INPP4B: variants seen among roughly 807,000 people sequenced by gnomAD.
The protein encoded by INPP4B is inositol polyphosphate-4-phosphatase type II B, also known as inositol polyphosphate 4-phosphatase type II.
Under a neutral mutation model 122.5 loss-of-function variants are expected in INPP4B, and 55 were observed. The ratio of observed to expected loss-of-function variants is 0.45; its 90% CI spans 0.36 to 0.56. The LOEUF is 0.56. Among genes scored for constraint, INPP4B ranks in the 20% least tolerant of loss-of-function variants. INPP4B has a pLI of 0.00. For missense variants in INPP4B, 1,000 were observed against 1,097.7 expected (o/e 0.91, Z 1.26); for synonymous variants, 403 against 388.7 (o/e 1.04, Z -0.43).
intron 2 of INPP4B, among the ~76,000 whole-genome samples, chr4:142,480,146 G>A (rs149202031): frequency 6.6e-6 from 1 of 152,066 alleles, no homozygotes; most frequent in Non-Finnish European, 1.5e-5. Flanking sequence ...ATAAATGACT[G>A]CAAAACCTAT....
intron 7 of INPP4B, among the ~76,000 whole-genome samples, chr4:142,396,654 A>C (rs963128109): frequency 6.6e-6 from 1 of 152,168 alleles, no homozygotes; most frequent in African/African-American, 2.4e-5. Flanking sequence ...ATTTGTCAAC[A>C]TATGTTCATA....
At chr4:142,112,458 A>G in intron 22 of INPP4B, 84 bp downstream of exon 22, 1 of 1,293,846 alleles carries the variant, frequency 7.7e-7, no homozygotes, top group Non-Finnish European at 1.1e-6. Flanking sequence ...TGTTAGTTCT[A>G]CATGCAGATA....
chr4:142,165,822 A>G (rs1255305516), intron 16 of INPP4B, among the ~76,000 whole-genome samples: 6 of 151,750 alleles, frequency 4.0e-5, no homozygotes, highest in Admixed American at 1.3e-4. Context: ...AAGTGTGCAA[A>G]TAATTGTGTA....
intron 1 of INPP4B, among the ~76,000 whole-genome samples, chr4:142,831,412 C>T (rs982386995): frequency 4.6e-5 from 7 of 152,172 alleles, no homozygotes; most frequent in Non-Finnish European, 1.0e-4. Flanking sequence ...TAAAACTGTG[C>T]AGCTCAGAGT....
chr4:142,362,344 G>T (rs1195985114), intron 7 of INPP4B, among the ~76,000 whole-genome samples: 5 of 151,956 alleles, frequency 3.3e-5, no homozygotes, highest in African/African-American at 1.2e-4. Flanking sequence ...TGGAATAAAG[G>T]TAAGTGTGCT....
intron 9 of INPP4B, among the ~76,000 whole-genome samples, chr4:142,297,813 A>G (rs13146882): frequency 0.22 from 33,128 of 152,084 alleles, 4,846 homozygotes; most frequent in African/African-American, 0.42. Flanking sequence ...TTAAGCAAGC[A>G]AACCAAGCCA....
chr4:142,724,568 T>C (rs1765101878), intron 2 of INPP4B, among the ~76,000 whole-genome samples: 1 of 152,158 alleles, frequency 6.6e-6, no homozygotes, highest in Non-Finnish European at 1.5e-5. Context: ...TCAAAGCTAA[T>C]AGTTCTATGT....
rs2149811759 is a variant in INPP4B, at chr4:142,498,799, A to G, written c.-190-36073T>C. ...CGGAGATCCTGTCTCAAAAGAAAAT[A>G]AATAATAAAATGTGTCTTATACTGG... On this transcript the variant is annotated intron_variant, in intron 2 of 25. Coordinates refer to ENST00000262992, the MANE Select transcript of INPP4B (RefSeq NM_001101669.3). Among the ~76,000 whole-genome samples the G allele has an allele frequency of 2.6e-5, 4 of 152,324 alleles. No homozygotes were observed. In the South Asian group the frequency reaches 8.3e-4, roughly 32 times the overall value.
intron 16 of INPP4B, among the ~76,000 whole-genome samples, chr4:142,161,237 T>TG (rs1819937697): frequency 6.6e-6 from 1 of 152,044 alleles, no homozygotes; most frequent in Admixed American, 6.6e-5. Context: ...TTTTACAAGC[T>TG]GGTGGCAAAT....
intron 1 of INPP4B, among the ~76,000 whole-genome samples, chr4:142,768,953 A>C (rs536136339): frequency 6.6e-6 from 1 of 152,322 alleles, no homozygotes; most frequent in African/African-American, 2.4e-5. Flanking sequence ...AGAAAACTAT[A>C]CTGGATACAG....
intron 12 of INPP4B, among the ~76,000 whole-genome samples, chr4:142,224,964 A>G (rs939872201): frequency 6.6e-6 from 1 of 152,178 alleles, no homozygotes; most frequent in Non-Finnish European, 1.5e-5. Flanking sequence ...GACGGTTAAC[A>G]TTAAGTGTCA....
intron 7 of INPP4B, among the ~76,000 whole-genome samples, chr4:142,341,066 A>G (rs1778548061): frequency 6.6e-6 from 1 of 152,222 alleles, no homozygotes; most frequent in Non-Finnish European, 1.5e-5. Context: ...TTTTAACAGA[A>G]GAACACAACA....
chr4:142,682,640 C>T (rs1758800245), intron 2 of INPP4B, among the ~76,000 whole-genome samples: 1 of 151,854 alleles, frequency 6.6e-6, no homozygotes, highest in Non-Finnish European at 1.5e-5. Flanking sequence ...AAGGTTTTCT[C>T]TATTGCATGA....
intron 1 of INPP4B, among the ~76,000 whole-genome samples, chr4:142,787,472 G>C (rs965545488): frequency 6.6e-6 from 1 of 152,000 alleles, no homozygotes; most frequent in Admixed American, 6.6e-5. Flanking sequence ...CCAGCCTCTA[G>C]AACTATGAAA....
chr4:142,803,649 T>TAAAA lies in INPP4B; in HGVS notation c.-254+42556_-254+42559dup, dbSNP rs34262906. Among the ~76,000 whole-genome samples, 5 of 138,986 alleles carry TAAAA rather than the reference T, an allele frequency of 3.6e-5. 1 individual carries two copies. The South Asian group carries it at 6.9e-4, about 19-fold the overall frequency. The allele number at this position is 138,986 out of a possible 152,430, so 91.2% of individuals were successfully genotyped here. On this transcript the variant is annotated intron_variant, in intron 1 of 25. Coordinates refer to ENST00000262992, the MANE Select transcript of INPP4B (RefSeq NM_001101669.3). ...CTTCCCAGGGGAATTCAATAAAACT[T>TAAAA]AAAAAAAAAAAACAAAAACAAAGAA...
At chr4:142,200,242 G>A (rs1176779408) in intron 14 of INPP4B, among the ~76,000 whole-genome samples, 1 of 151,742 alleles carries the variant, frequency 6.6e-6, no homozygotes, top group Non-Finnish European at 1.5e-5. Context: ...GTTGGCTGTT[G>A]TGCCCTTTAT....
At position 142,024,298 on chromosome 4, in the gene INPP4B, T is replaced by A. The variant is rs336361; in HGVS notation, c.*4484A>T. Reference sequence around the variant, plus strand: ...ATAAGCTAAGAAACATAAATACAGGTGGGAAAAAGCATAGCTTATGTAGAT... The same window carrying A: ...ATAAGCTAAGAAACATAAATACAGGAGGGAAAAAGCATAGCTTATGTAGAT... On this transcript the variant is annotated 3_prime_UTR_variant, in exon 26 of 26. Transcript: ENST00000262992. 6.6e-6 allele frequency: 1 copy of A among 152,080 alleles called. No individual in the cohort carries two copies. Among genetic ancestry groups the A allele is most frequent in the Non-Finnish European group, 1.5e-5 (1 of 68,008 alleles). 9.4% of individuals were successfully genotyped at this position (152,080 alleles called of 1,614,324 possible). A position where few individuals can be genotyped will look rare whatever the true frequency, so the allele number is the denominator to read the frequency against.
intron 2 of INPP4B, among the ~76,000 whole-genome samples, chr4:142,716,514 C>A (rs937927427): frequency 6.6e-6 from 1 of 152,110 alleles, no homozygotes; most frequent in Non-Finnish European, 1.5e-5. Flanking sequence ...TACTGGCTGC[C>A]ATAAGTCAAC....
intron 7 of INPP4B, among the ~76,000 whole-genome samples, chr4:142,364,684 C>A (rs1670113571): frequency 6.6e-6 from 1 of 152,026 alleles, no homozygotes; most frequent in African/African-American, 2.4e-5. Context: ...GGACTACTCA[C>A]CAGGCGAGGA....
Sources: allele counts gnomAD v4.1 joint callset (sites outside exome capture counted in the v4.1 genomes callset), GRCh38; gene constraint gnomAD v4.1.1; transcripts MANE v1.5; gene names NCBI Gene and HGNC (gene_info 2026-07-23, HGNC 2026-07-21).